Variants in DMD observed in about 807,000 individuals in gnomAD.
DMD encodes mutant dystrophin.
In DMD, 63 loss-of-function variants were observed where a neutral mutation model predicts 330.1. The ratio of observed to expected loss-of-function variants is 0.19; its 90% CI spans 0.16 to 0.24. DMD has a LOEUF of 0.24. Among genes scored for constraint, DMD ranks in the 10% least tolerant of loss-of-function variants. The pLI, the probability that DMD is intolerant of heterozygous loss-of-function variation, is 1.00. For synonymous variants in DMD, 1,223 were observed against 959.8 expected, an observed-to-expected ratio of 1.27 and a Z score of -5.07; for missense variants, 3,344 against 2,684.1, an observed-to-expected ratio of 1.25 and a Z score of -5.43.
chrX:31,728,168 G>A (rs1387883633), intron 52 of DMD, among the ~76,000 whole-genome samples: 1 of 111,398 alleles, frequency 9.0e-6, no homozygotes, highest in Non-Finnish European at 1.9e-5. Flanking sequence ...GACTACAGGC[G>A]CCCGCCACCA....
intron 1 of DMD, among the ~76,000 whole-genome samples, chrX:33,250,363 G>T (rs935984326): frequency 1.8e-5 from 2 of 109,105 alleles, no homozygotes; most frequent in Non-Finnish European, 3.8e-5. Flanking sequence ...TCACAGTAGG[G>T]TTGGCTCTCC....
Position 32,953,596 on chromosome X carries a change from A to G in DMD, c.93+66543T>C, listed in dbSNP as rs183249940. Among the ~76,000 whole-genome samples the G allele has an allele frequency of 4.6e-3, 513 of 112,209 alleles. 2 individuals carry two copies. The highest frequency in any genetic ancestry group is 0.016 in the African/African-American group (490 of 30,903). Reference sequence around the variant, plus strand: ...CTAGTCCCCACTTACAAGGAGCTTGAGAAGAGAAAATAAAAATACCAACAA... The same window carrying G: ...CTAGTCCCCACTTACAAGGAGCTTGGGAAGAGAAAATAAAAATACCAACAA... On this transcript the variant is annotated intron_variant, in intron 2 of 78. Coordinates refer to ENST00000357033, the MANE Select transcript of DMD (RefSeq NM_004006.3).
chrX:31,460,220 T>C (rs1023449281), intron 59 of DMD, among the ~76,000 whole-genome samples: 1 of 111,733 alleles, frequency 8.9e-6, no homozygotes. Flanking sequence ...AAGACTCTTT[T>C]CTACTTTCTC....
chrX:31,456,485 A>G (rs2066171453), intron 59 of DMD, among the ~76,000 whole-genome samples: 2 of 112,238 alleles, frequency 1.8e-5, no homozygotes, highest in African/African-American at 6.5e-5. Flanking sequence ...CGAACTAGAC[A>G]TTGGAAAGTA....
At chrX:31,179,669 G>C (rs1053243042) in intron 69 of DMD, among the ~76,000 whole-genome samples, 2 of 111,675 alleles carry the variant, frequency 1.8e-5, no homozygotes, top group African/African-American at 6.5e-5. Flanking sequence ...ACTCAGGTCT[G>C]TCTGGCCACC....
intron 55 of DMD, among the ~76,000 whole-genome samples, chrX:31,622,400 T>C (rs1360755519): frequency 9.0e-6 from 1 of 111,391 alleles, no homozygotes; most frequent in Non-Finnish European, 1.9e-5. Context: ...ACTCCTTATT[T>C]CTATTCTATT....
At chrX:32,730,897 G>C (rs185905910) in intron 7 of DMD, among the ~76,000 whole-genome samples, 2 of 111,811 alleles carry the variant, frequency 1.8e-5, no homozygotes, top group East Asian at 2.8e-4. Context: ...AATCTGATTT[G>C]AGAGGAGGAG....
intron 52 of DMD, among the ~76,000 whole-genome samples, chrX:31,686,432 C>T (rs1271099411): frequency 8.9e-6 from 1 of 112,202 alleles, no homozygotes; most frequent in African/African-American, 3.2e-5. Flanking sequence ...CATTTCCTTC[C>T]TTATTTTCCT....
chrX:33,124,322 A>G (rs1411792948), intron 1 of DMD, among the ~76,000 whole-genome samples: 3 of 108,018 alleles, frequency 2.8e-5, no homozygotes, highest in African/African-American at 1.0e-4. Flanking sequence ...CTAAAAATAC[A>G]AACATTAGCT....
At chrX:33,039,253 T>C (rs756247629) in intron 1 of DMD, among the ~76,000 whole-genome samples, 1 of 111,301 alleles carries the variant, frequency 9.0e-6, no homozygotes, top group African/African-American at 3.3e-5. Context: ...ACTTCAAAAG[T>C]AGAAGTCAGT....
At chrX:32,692,196 G>A (rs756298270) in intron 9 of DMD, among the ~76,000 whole-genome samples, 193 of 112,211 alleles carry the variant, frequency 1.7e-3, no homozygotes, top group African/African-American at 6.0e-3. Context: ...GAAGTTAAAC[G>A]ATAAGAGTGT....
chrX:31,293,163 GGTGTGTGTGTGTGTGT>G (rs762778210), intron 62 of DMD, among the ~76,000 whole-genome samples: 1 of 70,570 alleles, frequency 1.4e-5, no homozygotes, highest in South Asian at 5.7e-4. Flanking sequence ...CCCCCAACCC[GGTGTGTGTGTGTGTGT>G]GTGTGTGTGT....
At chrX:32,112,945 T>C (rs980109420) in intron 44 of DMD, among the ~76,000 whole-genome samples, 1 of 112,376 alleles carries the variant, frequency 8.9e-6, no homozygotes, top group African/African-American at 3.2e-5. Context: ...TCTCAGGCTA[T>C]TATAGCAGGA....
intron 21 of DMD, among the ~76,000 whole-genome samples, chrX:32,478,276 G>A (rs1367090115): frequency 9.0e-6 from 1 of 111,530 alleles, no homozygotes; most frequent in Non-Finnish European, 1.9e-5. Flanking sequence ...CTGCACATGT[G>A]TGAAGAAGCT....
intron 55 of DMD, among the ~76,000 whole-genome samples, chrX:31,526,805 G>T (rs2073270443): frequency 8.9e-6 from 1 of 111,869 alleles, no homozygotes; most frequent in Non-Finnish European, 1.9e-5. Flanking sequence ...CATTCTGGGA[G>T]ATTTTTATAT....
At chrX:31,963,125 C>T (rs1208996163) in intron 45 of DMD, among the ~76,000 whole-genome samples, 2 of 111,671 alleles carry the variant, frequency 1.8e-5, no homozygotes, top group Non-Finnish European at 3.8e-5. Flanking sequence ...ATATGAATTG[C>T]TAATGGAGAC....
At chrX:33,037,230 G>T (rs1160590166) in intron 1 of DMD, among the ~76,000 whole-genome samples, 1 of 111,482 alleles carries the variant, frequency 9.0e-6, no homozygotes, top group African/African-American at 3.3e-5. Flanking sequence ...CTTAACAGTA[G>T]AATTAGTTCT....
At chrX:33,050,242 T>C (rs1045961269) in intron 1 of DMD, among the ~76,000 whole-genome samples, 3 of 111,784 alleles carry the variant, frequency 2.7e-5, no homozygotes, top group African/African-American at 9.8e-5. Flanking sequence ...TTTTTTCATG[T>C]GATAAGTGTG....
At chrX:31,414,782 T>A (rs1463856627) in intron 60 of DMD, among the ~76,000 whole-genome samples, 1 of 111,949 alleles carries the variant, frequency 8.9e-6, no homozygotes, top group African/African-American at 3.3e-5. Flanking sequence ...ATTTCTACAA[T>A]CCTTGGGGAA....
Sources: allele counts gnomAD v4.1 joint callset (sites outside exome capture counted in the v4.1 genomes callset), GRCh38; gene constraint gnomAD v4.1.1; transcripts MANE v1.5; gene names NCBI Gene and HGNC (gene_info 2026-07-23, HGNC 2026-07-21).